Variants in SRL observed in about 807,000 individuals in gnomAD.
SRL encodes the protein sarcalumenin.
In SRL, 23 loss-of-function variants were observed where a neutral mutation model predicts 39.5. That is an observed-to-expected ratio of 0.58 (90% confidence interval 0.42 to 0.82). The LOEUF (loss-of-function observed/expected upper bound fraction) is 0.82, where lower values mean the gene tolerates loss of function less well. SRL is among the 40% of genes least tolerant of loss of function. The pLI, the probability that SRL is intolerant of heterozygous loss-of-function variation, is 0.00. For synonymous variants in SRL, 272 were observed against 237.4 expected, an observed-to-expected ratio of 1.15 and a Z score of -1.34; for missense variants, 592 against 607.8, an observed-to-expected ratio of 0.97 and a Z score of 0.27.
chr16:4,192,312 G>T lies in SRL; in HGVS notation c.1263C>A (p.Ser421=), dbSNP rs1188050994. 22 of 1,614,170 alleles carry T rather than the reference G, an allele frequency of 1.4e-5. No homozygotes were observed. The highest frequency in any genetic ancestry group is 1.9e-5 in the Non-Finnish European group (22 of 1,180,018). ...SSFKLLSQQC[S]YMGGCFLEKI... is the part of the protein sequence containing the mutation. ...TCTCCAGAAAGCAACCTCCCATGTA[G>T]GAGCACTGCTGGGAGAGCAGTTTGA... The change falls in exon 6 of 6, where the codon TCC becomes TCA. Residue 421 remains serine (S), a synonymous_variant. Transcript: ENST00000399609. The surrounding 1 kb of genome is among the most constrained non-coding windows in gnomAD (Gnocchi z 4.0).
At chr16:4,229,132 G>C (rs2052630836) in intron 1 of SRL, among the ~76,000 whole-genome samples, 2 of 151,988 alleles carry the variant, frequency 1.3e-5, no homozygotes, top group South Asian at 4.2e-4. Context: ...CTACACCATG[G>C]AATACCAACC....
chr16:4,191,764 C>T lies in SRL; in HGVS notation c.*389G>A, dbSNP rs2052068482. 1 of 181,822 alleles carries T rather than the reference C, an allele frequency of 5.5e-6. No homozygotes were observed. The highest frequency in any genetic ancestry group is 2.4e-5 in the African/African-American group (1 of 42,256). The allele number at this position is 181,822 out of a possible 1,614,324, so 11.3% of individuals were successfully genotyped here. A position where few individuals can be genotyped will look rare whatever the true frequency, so the allele number is the denominator to read the frequency against. ...AAAATGGACCTGACAATCTCTACGA[C>T]TCAGGCCTTCGCTGTTTTCCCAGCT... On this transcript the variant is annotated 3_prime_UTR_variant, in exon 6 of 6. Transcript: ENST00000399609.
At chr16:4,228,474 A>T (rs886373736) in intron 1 of SRL, among the ~76,000 whole-genome samples, 13 of 151,880 alleles carry the variant, frequency 8.6e-5, no homozygotes, top group Non-Finnish European at 1.0e-4. Context: ...AGTGGCTCAC[A>T]CCTACAATCC....
chr16:4,205,055 G>T (rs2052301188), intron 1 of SRL, among the ~76,000 whole-genome samples: 1 of 152,130 alleles, frequency 6.6e-6, no homozygotes, highest in East Asian at 1.9e-4. Flanking sequence ...GAGTGCAGTG[G>T]CTCACACCTG....
chr16:4,204,715 C>T, intron 1 of SRL, 81 bp from the exon 2 acceptor site: 2 of 1,290,244 alleles, frequency 1.6e-6, no homozygotes, highest in Middle Eastern at 1.8e-4. Context: ...CAGACGAGGG[C>T]TGGGCCTCAA....
At chr16:4,210,722 A>T (rs1465479643) in intron 1 of SRL, among the ~76,000 whole-genome samples, 1 of 152,094 alleles carries the variant, frequency 6.6e-6, no homozygotes, top group Non-Finnish European at 1.5e-5. Context: ...ATCTCAAGGG[A>T]TCCACCCACC....
At chr16:4,209,672 C>T (rs1163855431) in intron 1 of SRL, among the ~76,000 whole-genome samples, 6 of 152,200 alleles carry the variant, frequency 3.9e-5, no homozygotes, top group Non-Finnish European at 7.3e-5. Context: ...AGCCTGTTGT[C>T]GAACTCAGAA....
At chr16:4,198,099 A>T (rs1468888255) in intron 3 of SRL, among the ~76,000 whole-genome samples, 184 bp from the exon 4 acceptor site, 2 of 152,258 alleles carry the variant, frequency 1.3e-5, no homozygotes, top group African/African-American at 4.8e-5. Context: ...CAGTAAAAAG[A>T]CACAGAAGTC....
intron 5 of SRL, among the ~76,000 whole-genome samples, chr16:4,194,857 G>C (rs570147438): frequency 6.6e-6 from 1 of 152,092 alleles, no homozygotes; most frequent in South Asian, 2.1e-4. Context: ...TCCTCTCCCT[G>C]CCTGCCTACC....
intron 1 of SRL, among the ~76,000 whole-genome samples, chr16:4,227,863 T>C (rs1290832341): frequency 6.6e-6 from 1 of 152,090 alleles, no homozygotes; most frequent in East Asian, 1.9e-4. Flanking sequence ...CTTAAAGACC[T>C]TAAGATCTTA....
chr16:4,210,104 G>C (rs1040962963), intron 1 of SRL, among the ~76,000 whole-genome samples: 14 of 152,240 alleles, frequency 9.2e-5, no homozygotes, highest in African/African-American at 3.4e-4. Context: ...TGCTGGAAGA[G>C]GTCCGCGGTC....
intron 1 of SRL, chr16:4,207,674 G>A (rs1941993315): frequency 4.7e-6 from 2 of 426,900 alleles, no homozygotes; most frequent in South Asian, 1.7e-5. Context: ...TTCCCTCCGT[G>A]GGGAGCCCAA....
At chr16:4,225,071 G>T (rs1004408548) in intron 1 of SRL, among the ~76,000 whole-genome samples, 1 of 152,166 alleles carries the variant, frequency 6.6e-6, no homozygotes, top group Non-Finnish European at 1.5e-5. Context: ...GCAGATTAGT[G>T]GTTGCTGGGG....
intron 1 of SRL, among the ~76,000 whole-genome samples, chr16:4,206,010 G>A (rs1201845685): frequency 1.3e-5 from 2 of 152,114 alleles, no homozygotes; most frequent in Non-Finnish European, 2.9e-5. Flanking sequence ...CTTGGAGAGT[G>A]AAGACTTGAC....
intron 1 of SRL, among the ~76,000 whole-genome samples, chr16:4,210,346 A>G (rs1184126031): frequency 6.6e-6 from 1 of 152,326 alleles, no homozygotes; most frequent in Non-Finnish European, 1.5e-5. Flanking sequence ...CGTATAATGT[A>G]TATGACATAC....
In SRL at chr16:4,222,370, G is replaced by A. The variant is rs909472562; in HGVS notation, c.62-17736C>T. Among the ~76,000 whole-genome samples, 11 of 152,324 alleles carry A rather than the reference G, an allele frequency of 7.2e-5. 1 individual carries two copies. Among genetic ancestry groups the A allele is most frequent in the Non-Finnish European group, 5.9e-5 (4 of 68,034 alleles). ...GCTCACTGCAACCTCCACCTCCTGG[G>A]TTCAAGTGATTCTCCTGCCTCAGCC... is the stretch of plus-strand genomic sequence containing the variant. On this transcript the variant is annotated intron_variant, in intron 1 of 5. Coordinates refer to ENST00000399609, the MANE Select transcript of SRL (RefSeq NM_001098814.2).
intron 1 of SRL, among the ~76,000 whole-genome samples, chr16:4,229,917 CAGA>C (rs925039606): frequency 2.6e-5 from 4 of 152,206 alleles, no homozygotes; most frequent in East Asian, 3.9e-4. Context: ...GGGCCTCGTG[CAGA>C]AGAAGAGCTG....
At chr16:4,202,212 C>T (rs531463806) in intron 3 of SRL, among the ~76,000 whole-genome samples, 1 of 152,338 alleles carries the variant, frequency 6.6e-6, no homozygotes, top group Admixed American at 6.5e-5. Flanking sequence ...AAACAAAAAA[C>T]AACATCCATC....
intron 4 of SRL, among the ~76,000 whole-genome samples, chr16:4,197,162 G>A (rs983831811): frequency 2.9e-5 from 4 of 136,904 alleles, no homozygotes; most frequent in African/African-American, 1.1e-4. Context: ...TCTGCCTCCT[G>A]GGTTCAAGCA....
Sources: gnomAD v4.1 joint callset for allele counts (sites outside exome capture counted in the v4.1 genomes callset) on GRCh38, gnomAD v4.1.1 for gene constraint, Gnocchi (gnomAD v3.1) non-coding constraint, MANE v1.5 for transcripts, NCBI Gene and HGNC (gene_info 2026-07-23, HGNC 2026-07-21) for gene names.